The following NAPB variants were observed in gnomAD, a reference collection of about 807,000 sequenced individuals.
The protein encoded by NAPB is beta-soluble NSF attachment protein.
In NAPB, 26 loss-of-function variants were observed where a neutral mutation model predicts 44.7. The ratio of observed to expected loss-of-function variants is 0.58; its 90% CI spans 0.43 to 0.81. The LOEUF (loss-of-function observed/expected upper bound fraction) is 0.81. NAPB is among the 30% of genes least tolerant of loss of function. The pLI, the probability that NAPB is intolerant of heterozygous loss-of-function variation, is 0.00. For synonymous variants in NAPB, 120 were observed against 116.8 expected, an observed-to-expected ratio of 1.03 and a Z score of -0.18; for missense variants, 315 against 356.4, an observed-to-expected ratio of 0.88 and a Z score of 0.94.
At chr20:23,381,447 T>C (rs1982998089) in intron 7 of NAPB, 130 bp from the exon 8 acceptor site, 2 of 567,418 alleles carry the variant, frequency 3.5e-6, no homozygotes, top group Non-Finnish European at 6.0e-6. Context: ...TATATTATTT[T>C]ATCCGAATAC....
intron 2 of NAPB, among the ~76,000 whole-genome samples, chr20:23,399,916 A>C (rs1416652336): frequency 5.3e-5 from 8 of 152,188 alleles, no homozygotes; most frequent in African/African-American, 1.9e-4. Flanking sequence ...CTTAGATCAT[A>C]TCTGTGGTTT....
intron 2 of NAPB, among the ~76,000 whole-genome samples, chr20:23,398,067 T>C (rs1170430913): frequency 1.3e-5 from 2 of 152,136 alleles, no homozygotes; most frequent in African/African-American, 2.4e-5. Context: ...CTGCCCTGAC[T>C]GGAGGAGGCC....
At chr20:23,399,560 C>T (rs751946173) in intron 2 of NAPB, among the ~76,000 whole-genome samples, 1 of 152,210 alleles carries the variant, frequency 6.6e-6, no homozygotes, top group African/African-American at 2.4e-5. Context: ...TTTGTTATAG[C>T]CGCAGGAAGA....
At chr20:23,394,853 G>T in intron 5 of NAPB, 69 bp downstream of exon 5, 1 of 1,458,892 alleles carries the variant, frequency 6.9e-7, no homozygotes, top group Non-Finnish European at 9.6e-7. Context: ...CTCAGACTGA[G>T]GAGAGGAGAG....
At position 23,379,490 on chromosome 20, in the gene NAPB, G is replaced by A; in HGVS notation, c.741C>T (p.Leu247=). The A allele has an allele frequency of 2.5e-6, 4 of 1,607,186 alleles. No individual in the cohort carries two copies. The highest frequency in any genetic ancestry group is 3.4e-6 in the Non-Finnish European group (4 of 1,177,720). Residue 247 remains leucine (L), a synonymous_variant, in exon 10 of 11, where the codon CTC becomes CTT. Coordinates refer to ENST00000377026, the MANE Select transcript of NAPB (RefSeq NM_022080.3). ...DSRECKLLKK[L]LEAHEEQNSE... ...TGTTCTGTTCTTCATGAGCTTCTAG[G>A]AGTTTCTGGTAGCATAAAAATATTT... is the stretch of plus-strand genomic sequence containing the variant.
Position 23,379,467 on chromosome 20 carries a change from T to C in NAPB, c.764A>G (p.Asn255Ser). Residue 255 changes from asparagine to serine, a missense_variant, in exon 10 of 11, where the codon AAC becomes AGC. Physicochemically the swap from Asn to Ser is conservative, Grantham distance 46. This residue lies in a region of NAPB where 120 missense variants were observed against 130.5 expected (regional missense o/e 0.92). Coordinates refer to ENST00000377026, the MANE Select transcript of NAPB (RefSeq NM_022080.3). ...TACTGCTTCAGTGTAAGCTTCACTG[T>C]TCTGTTCTTCATGAGCTTCTAGGAG... Reference protein sequence around the residue: ...KKLLEAHEEQNSEAYTEAVKE... With the variant: ...KKLLEAHEEQSSEAYTEAVKE... The C allele has an allele frequency of 6.2e-7, 1 of 1,609,942 alleles. No homozygotes were observed. The highest frequency in any genetic ancestry group is 1.1e-5 in the South Asian group (1 of 89,856).
At chr20:23,396,445 A>G (rs1310713230) in intron 3 of NAPB, among the ~76,000 whole-genome samples, 2 of 152,266 alleles carry the variant, frequency 1.3e-5, no homozygotes, top group Non-Finnish European at 2.9e-5. Flanking sequence ...GAAAAAGGAA[A>G]AACACAAAAT....
intron 1 of NAPB, among the ~76,000 whole-genome samples, chr20:23,408,583 T>C (rs1238911784): frequency 6.6e-6 from 1 of 152,278 alleles, no homozygotes; most frequent in Non-Finnish European, 1.5e-5. Flanking sequence ...ACTCCACAGA[T>C]TCTAAAAACT....
intron 10 of NAPB, chr20:23,379,106 G>A (rs767340713): frequency 1.7e-4 from 32 of 184,162 alleles, no homozygotes; most frequent in Non-Finnish European, 2.8e-4. Context: ...GTGAGACGCC[G>A]TGCCTGGCCT....
rs1051474896 is a variant in NAPB at position 23,421,486 on chromosome 20, G to A, written c.-84C>T. ...TAACCCTCCCTCTGGCGGCCGCAGG[G>A]ACGCAGGCGCAGGCGCGACGCGCGA... On this transcript the variant is annotated 5_prime_UTR_variant, in exon 1 of 11. Transcript: ENST00000377026. 1.0e-5 allele frequency: 13 copies of A among 1,284,984 alleles called. No individual in the cohort carries two copies. The Admixed American group carries it at 3.3e-4, about 32-fold the overall frequency. The allele number at this position is 1,284,984 out of a possible 1,614,324, so 79.6% of individuals were successfully genotyped here.
At chr20:23,404,738 T>C (rs74735425) in intron 1 of NAPB, among the ~76,000 whole-genome samples, 3,740 of 152,290 alleles carry the variant, frequency 0.025, 152 homozygotes, top group African/African-American at 0.084. Flanking sequence ...GAATATTACA[T>C]TGTATGTCTC....
intron 1 of NAPB, among the ~76,000 whole-genome samples, chr20:23,411,607 C>A (rs546570272): frequency 5.3e-5 from 8 of 150,786 alleles, no homozygotes; most frequent in African/African-American, 2.0e-4. Flanking sequence ...AATAGGGAAA[C>A]ACTTCTATGT....
rs543996305 is a variant in NAPB, at chr20:23,381,669, T to C, written c.562-352A>G. 9.2e-5 allele frequency among the ~76,000 whole-genome samples: 14 copies of C among 152,292 alleles called. 1 individual carries two copies. Among genetic ancestry groups the C allele is most frequent in the Middle Eastern group, 3.4e-3 (1 of 294 alleles). ...GGTAGTGGGTTCCCTCAGTTTTCTT[T>C]TCCCTTCCTATATCCATGGCATGAA... On this transcript the variant is annotated intron_variant, in intron 7 of 10. Coordinates refer to ENST00000377026, the MANE Select transcript of NAPB (RefSeq NM_022080.3).
intron 2 of NAPB, among the ~76,000 whole-genome samples, chr20:23,399,830 C>A (rs906442574): frequency 1.3e-5 from 2 of 152,224 alleles, no homozygotes; most frequent in Admixed American, 6.5e-5. Context: ...GCTTGGACTT[C>A]GCAAGTAAAG....
intron 7 of NAPB, among the ~76,000 whole-genome samples, chr20:23,388,886 A>G (rs1036575382): frequency 6.6e-6 from 1 of 152,188 alleles, no homozygotes; most frequent in Non-Finnish European, 1.5e-5. Flanking sequence ...CAGACAAAGA[A>G]AAAATAGACA....
At position 23,381,217 on chromosome 20, in the gene NAPB, G is replaced by A. The variant is rs778142995; in HGVS notation, c.662C>T (p.Ala221Val). ...LCHFIVDELN[A>V]KLALEKYEEM... is the part of the protein sequence containing the mutation. ...CAATGCTGAAGAACTCCTTACCTTG[G>A]CATTCAACTCGTCTACTATGAAGTG... is the stretch of plus-strand genomic sequence containing the variant. Residue 221 changes from alanine to valine, a missense_variant, in exon 8 of 11, where the codon GCC becomes GTC. Ala to Val is a moderately conservative substitution (Grantham distance 64, BLOSUM62 0). Coordinates refer to ENST00000377026, the MANE Select transcript of NAPB (RefSeq NM_022080.3). 1 of 1,608,800 alleles carries A rather than the reference G, an allele frequency of 6.2e-7. No individual in the cohort carries two copies. The highest frequency in any genetic ancestry group is 1.3e-5 in the African/African-American group (1 of 74,876).
chr20:23,407,775 A>G (rs906386761), intron 1 of NAPB, among the ~76,000 whole-genome samples: 2 of 152,240 alleles, frequency 1.3e-5, no homozygotes, highest in African/African-American at 4.8e-5. Context: ...CCCCTGAGGA[A>G]ACATTGTCAA....
rs564036410 is a variant in NAPB, at chr20:23,382,888, C to T, written c.562-1571G>A. ...GAAAAGGGCTGGCTGGGCATGGTGGCTCACGCCTGTAATCCCAGCACTGTG... is the reference window on the plus strand; with the variant it reads ...GAAAAGGGCTGGCTGGGCATGGTGGTTCACGCCTGTAATCCCAGCACTGTG... On this transcript the variant is annotated intron_variant, in intron 7 of 10. Transcript: ENST00000377026. 7.9e-5 allele frequency among the ~76,000 whole-genome samples: 12 copies of T among 152,292 alleles called. No individual in the cohort carries two copies. In the East Asian group the frequency reaches 2.3e-3, roughly 29 times the overall value.
intron 3 of NAPB, chr20:23,396,826 TTTAA>T (rs1419078883): frequency 3.8e-6 from 1 of 264,726 alleles, no homozygotes; most frequent in East Asian, 6.8e-5. Flanking sequence ...TAAATAAGAG[TTTAA>T]TTAAATGATG....
Sources: gnomAD v4.1 joint callset for allele counts (sites outside exome capture counted in the v4.1 genomes callset) on GRCh38, gnomAD v4.1.1 for gene constraint, gnomAD v4.1.1 regional missense constraint, MANE v1.5 for transcripts, NCBI Gene and HGNC (gene_info 2026-07-23, HGNC 2026-07-21) for gene names.